Variants in SAGE1 observed in about 807,000 individuals in gnomAD.
SAGE1 encodes the protein sarcoma antigen 1.
In SAGE1, 55 loss-of-function variants were observed where a neutral mutation model predicts 55.4. The observed-to-expected ratio is 0.99, with a 90% CI of 0.80 to 1.24. SAGE1 has a LOEUF of 1.24. Ranked by LOEUF, SAGE1 falls within the 50% of genes most tolerant of loss-of-function variation. The pLI is 0.00. For missense variants in SAGE1, 710 were observed against 704.4 expected (o/e 1.01, Z -0.09); for synonymous variants, 240 against 244.3 (o/e 0.98, Z 0.17).
intron 3 of SAGE1, among the ~76,000 whole-genome samples, chrX:135,903,061 T>C (rs1556597893): frequency 1.8e-5 from 2 of 111,992 alleles, no homozygotes; most frequent in South Asian, 3.8e-4. Flanking sequence ...TCCAAGCCTC[T>C]GCACAGCCTG....
In SAGE1 at chrX:135,908,497, G is replaced by A; in HGVS notation, c.1321G>A (p.Val441Ile). The A allele has an allele frequency of 1.7e-6, 2 of 1,206,628 alleles. No individual in the cohort carries two copies. The highest frequency in any genetic ancestry group is 1.7e-5 in the African/African-American group (1 of 57,569). The change falls in exon 12 of 20, where the codon GTC becomes ATC. Residue 441 changes from valine to isoleucine, a missense_variant. By Grantham distance (29) the Val-to-Ile change is conservative. Coordinates refer to ENST00000370709, the MANE Select transcript of SAGE1 (RefSeq NM_001381902.1). ...TCTAGATGCTACCGTCAATCACCATGTCCATGAAGCAAGGATGGAAAATGG... is the reference window on the plus strand; with the variant it reads ...TCTAGATGCTACCGTCAATCACCATATCCATGAAGCAAGGATGGAAAATGG... ...RDQYATVNHH[V>I]HEARMENGQR...
rs145270330 is a variant in SAGE1, at chrX:135,911,725, C to T, written c.2293C>T (p.His765Tyr). Residue 765 changes from histidine to tyrosine, a missense_variant, in exon 18 of 20, where the codon CAC becomes TAC. His to Tyr is a moderately conservative substitution (Grantham distance 83). Coordinates refer to ENST00000370709, the MANE Select transcript of SAGE1 (RefSeq NM_001381902.1). Reference protein sequence around the residue: ...MPPNALDSFSHDFTSLSKDEL... With the variant: ...MPPNALDSFSYDFTSLSKDEL... ...ACCCAATGCATTGGATTCTTTCTCT[C>T]ACGACTTCACAAGTCTCAGCAAAGA... The T allele has an allele frequency of 1.2e-5, 15 of 1,208,922 alleles. No homozygotes were observed. Among genetic ancestry groups the T allele is most frequent in the Non-Finnish European group, 1.7e-5 (15 of 894,189 alleles).
intron 6 of SAGE1, 60 bp downstream of exon 6, chrX:135,906,224 T>C: frequency 8.8e-7 from 1 of 1,131,149 alleles, no homozygotes. Context: ...CATAGTGCCA[T>C]GAAGGGAGTT....
chrX:135,900,917 T>TGGGC (rs1355696172), intron 2 of SAGE1, among the ~76,000 whole-genome samples: 1 of 109,052 alleles, frequency 9.2e-6, no homozygotes, highest in Non-Finnish European at 1.9e-5. Flanking sequence ...GAGGCCGAGG[T>TGGGC]GGGAGGATCA....
At chrX:135,905,487 C>A in intron 5 of SAGE1, 95 bp downstream of exon 5, 1 of 883,118 alleles carries the variant, frequency 1.1e-6, no homozygotes, top group Non-Finnish European at 1.6e-6. Flanking sequence ...CATATACTTT[C>A]CTAGTCTCAA....
At chrX:135,908,442 T>G (rs782792532) in intron 11 of SAGE1, 35 bp from the exon 12 acceptor site, 26 of 1,180,508 alleles carry the variant, frequency 2.2e-5, no homozygotes, top group Non-Finnish European at 2.8e-5. Flanking sequence ...ATAATGCACT[T>G]AACTCACAGC....
At position 135,896,180 on chromosome X, in the gene SAGE1, G is replaced by T. The variant is rs1472582582; in HGVS notation, c.1-63G>T. On this transcript the variant is annotated intron_variant, in intron 1 of 19. Transcript: ENST00000370709. ...TAGCGCCAATTTATGTGCCAGTTACGTTCCAGTTATAAATCAAAGTGTTCT... is the reference window on the plus strand; with the variant it reads ...TAGCGCCAATTTATGTGCCAGTTACTTTCCAGTTATAAATCAAAGTGTTCT... The T allele has an allele frequency of 3.7e-6, 3 of 807,110 alleles. No individual in the cohort carries two copies. In the African/African-American group the frequency reaches 6.0e-5, roughly 16 times the overall value. The allele number at this position is 807,110 out of a possible 1,213,427, so 66.5% of individuals were successfully genotyped here. A position where few individuals can be genotyped will look rare whatever the true frequency, so the allele number is the denominator to read the frequency against.
At chrX:135,904,730 T>A (rs1285155991) in intron 4 of SAGE1, among the ~76,000 whole-genome samples, 161 bp downstream of exon 4, 1 of 111,250 alleles carries the variant, frequency 9.0e-6, no homozygotes, top group African/African-American at 3.3e-5. Context: ...ATTTGAGGGG[T>A]ATCAGATGGC....
In SAGE1 at chrX:135,908,848, T is replaced by A; in HGVS notation, c.1442-16T>A. On this transcript the variant is annotated splice_polypyrimidine_tract_variant and intron_variant, in intron 12 of 19. Coordinates refer to ENST00000370709, the MANE Select transcript of SAGE1 (RefSeq NM_001381902.1). ...TGCACGTACCTCACAGCTTGACCTC[T>A]CCCTTTGGTTTCCAGATGCTACCAT... is the stretch of plus-strand genomic sequence containing the variant. 1 of 1,208,902 alleles carries A rather than the reference T, an allele frequency of 8.3e-7. No homozygotes were observed. The highest frequency in any genetic ancestry group is 1.1e-6 in the Non-Finnish European group (1 of 893,762).
chrX:135,909,532 C>T (rs1399666331), intron 13 of SAGE1, 107 bp from the exon 14 acceptor site: 2 of 835,992 alleles, frequency 2.4e-6, no homozygotes, highest in African/African-American at 4.1e-5. Context: ...GTTATAGCCT[C>T]CTGTGTTATG....
rs782159145 is a variant in SAGE1, at chrX:135,909,777, A to G, written c.1721A>G (p.Gln574Arg). 8.4e-7 allele frequency: 1 copy of G among 1,193,696 alleles called. No individual in the cohort carries two copies. The highest frequency in any genetic ancestry group is 2.3e-5 in the Admixed American group (1 of 43,998). ...ATTCCGGCCATGAGTACCAGGGATC[A>G]GTGTATGTTTGCTTATTCAGTTGTA... ...AGIPAMSTRD[Q>R]YATVTHNVHE... The change falls in exon 14 of 20, where the codon CAG (glutamine) becomes CGG (arginine). Residue 574 changes from glutamine (Q) to arginine (R), a missense_variant and splice_region_variant. Gln to Arg is a conservative substitution (Grantham distance 43). Transcript: ENST00000370709.
chrX:135,908,448 A>T, intron 11 of SAGE1, 29 bp from the exon 12 acceptor site: 2 of 1,184,829 alleles, frequency 1.7e-6, no homozygotes, highest in Non-Finnish European at 2.3e-6. Context: ...CACTTAACTC[A>T]CAGCTCGACC....
chrX:135,912,847 A>G lies in SAGE1; in HGVS notation c.2665A>G (p.Ile889Val), dbSNP rs782507229. The G allele has an allele frequency of 8.3e-7, 1 of 1,210,027 alleles. No homozygotes were observed. Among genetic ancestry groups the G allele is most frequent in the East Asian group, 3.0e-5 (1 of 33,822 alleles). The change falls in exon 20 of 20, where the codon ATA becomes GTA. Residue 889 changes from isoleucine to valine, a missense_variant. Ile to Val is a conservative substitution (Grantham distance 29). Transcript: ENST00000370709. The part of the protein sequence containing the change: ...IQQLEKALKE[I>V]DSHCHLRKVK... ...GCAACTCGAGAAGGCGCTTAAAGAAATAGATTCCCACTGCCATCTCAGAAA... is the reference window on the plus strand; with the variant it reads ...GCAACTCGAGAAGGCGCTTAAAGAAGTAGATTCCCACTGCCATCTCAGAAA...
intron 13 of SAGE1, among the ~76,000 whole-genome samples, 172 bp from the exon 14 acceptor site, chrX:135,909,467 G>GT (rs1222710815): frequency 2.7e-5 from 3 of 111,298 alleles, no homozygotes; most frequent in East Asian, 2.8e-4. Flanking sequence ...GAAGAAGGTG[G>GT]TTTTTTTGCA....
chrX:135,908,457 C>A lies in SAGE1; in HGVS notation c.1301-20C>A. On this transcript the variant is annotated intron_variant, in intron 11 of 19. Transcript: ENST00000370709. ...ATAATGCACTTAACTCACAGCTCGA[C>A]CTCTTTATTTGGTTTCTAGATGCTA... 1 of 1,191,235 alleles carries A rather than the reference C, an allele frequency of 8.4e-7. No homozygotes were observed. Among genetic ancestry groups the A allele is most frequent in the Non-Finnish European group, 1.1e-6 (1 of 886,877 alleles).
Position 135,911,560 on chromosome X carries a change from T to A in SAGE1, c.2147-19T>A. ...TAATGCACTTATCTCACAGCTCAAT[T>A]TTTTCATTTGGATTCCAGATGCTAC... is the stretch of plus-strand genomic sequence containing the variant. On this transcript the variant is annotated intron_variant, in intron 17 of 19. Transcript: ENST00000370709. The A allele has an allele frequency of 2.6e-6, 3 of 1,149,075 alleles. No homozygotes were observed. Among genetic ancestry groups the A allele is most frequent in the Admixed American group, 4.4e-5 (2 of 45,010 alleles). 94.7% of individuals were successfully genotyped at this position (1,149,075 alleles called of 1,213,427 possible).
rs1556606323 is a variant in SAGE1, at chrX:135,911,262, G to A, written c.2076G>A (p.Leu692=). The A allele has an allele frequency of 8.3e-7, 1 of 1,208,960 alleles. No homozygotes were observed. Among genetic ancestry groups the A allele is most frequent in the South Asian group, 1.8e-5 (1 of 56,904 alleles). The part of the protein sequence containing the change: ...TNGQQAPDNS[L]STVPPGCINL... ...GCCAACAGGCACCTGATAACTCCTTGTCAACGGTTCCACCTGGTTGTATTA... is the reference window on the plus strand; with the variant it reads ...GCCAACAGGCACCTGATAACTCCTTATCAACGGTTCCACCTGGTTGTATTA... Residue 692 remains leucine (L), a synonymous_variant, in exon 17 of 20, where the codon TTG becomes TTA. Transcript: ENST00000370709.
Position 135,894,969 on chromosome X carries a change from T to C in SAGE1, c.-1+1188T>C, listed in dbSNP as rs782126780. On this transcript the variant is annotated intron_variant, in intron 1 of 19. Coordinates refer to ENST00000370709, the MANE Select transcript of SAGE1 (RefSeq NM_001381902.1). Reference sequence around the variant, plus strand: ...AATGTTTTAATATAGAGAATGCCCATGTTCACTAAATCCCACAAGTTTGTT... The same window carrying C: ...AATGTTTTAATATAGAGAATGCCCACGTTCACTAAATCCCACAAGTTTGTT... Among the ~76,000 whole-genome samples, 3 of 91,068 alleles carry C rather than the reference T, an allele frequency of 3.3e-5. No individual in the cohort carries two copies. In the East Asian group the frequency reaches 1.1e-3, roughly 32 times the overall value. The allele number at this position is 91,068 out of a possible 115,157, so 79.1% of individuals were successfully genotyped here. A position where few individuals can be genotyped will look rare whatever the true frequency, so the allele number is the denominator to read the frequency against.
chrX:135,897,896 G>C (rs1388059603), intron 2 of SAGE1, among the ~76,000 whole-genome samples: 1 of 111,645 alleles, frequency 9.0e-6, no homozygotes, highest in Non-Finnish European at 1.9e-5. Context: ...TCATCATTCA[G>C]CTCCCACTTA....
Sources: gnomAD v4.1 joint callset for allele counts (sites outside exome capture counted in the v4.1 genomes callset) on GRCh38, gnomAD v4.1.1 for gene constraint, MANE v1.5 for transcripts, NCBI Gene and HGNC (gene_info 2026-07-23, HGNC 2026-07-21) for gene names.